The following PMS1 variants were observed in gnomAD, a reference collection of about 807,000 sequenced individuals.
The protein encoded by PMS1 is PMS1 protein homolog 1.
PMS1 carries 79 observed loss-of-function variants against 93.1 expected under a neutral mutation model. The observed-to-expected ratio is 0.85, with a 90% CI of 0.71 to 1.02. The LOEUF is 1.02. Among genes scored for constraint, PMS1 ranks in the 50% least tolerant of loss-of-function variants. PMS1 has a pLI of 0.00. For synonymous variants in PMS1, 335 were observed against 363.4 expected (o/e 0.92, Z 0.89); for missense variants, 1,064 against 1,085.3 (o/e 0.98, Z 0.28).
intron 1 of PMS1, among the ~76,000 whole-genome samples, chr2:189,788,198 T>C (rs2048535160): frequency 6.6e-6 from 1 of 152,230 alleles, no homozygotes; most frequent in Admixed American, 6.5e-5. Flanking sequence ...GTGTTTTTCT[T>C]AGATCCTTGG....
intron 2 of PMS1, among the ~76,000 whole-genome samples, chr2:189,794,349 TA>T (rs1334013557): frequency 1.3e-5 from 2 of 152,104 alleles, no homozygotes; most frequent in African/African-American, 4.8e-5. Context: ...TCCTGACCTC[TA>T]ATGATCTGCC....
Position 189,795,843 on chromosome 2 carries a change from G to T in PMS1, c.207G>T (p.Met69Ile), listed in dbSNP as rs1344960114. Residue 69 changes from methionine (M) to isoleucine (I), a missense_variant, in exon 3 of 13, where the codon ATG becomes ATT. Coordinates refer to ENST00000441310, the MANE Select transcript of PMS1 (RefSeq NM_000534.5). The stretch of plus-strand genomic sequence containing the variant: ...TCAAGGCTGTTGATGCACCTGTAAT[G>T]GCAATGAAGTACTACACCTCAAAAA... The part of the protein sequence containing the change: ...EGIKAVDAPV[M>I]AMKYYTSKIN... 6.2e-7 allele frequency: 1 copy of T among 1,612,718 alleles called. No individual in the cohort carries two copies. The highest frequency in any genetic ancestry group is 1.7e-5 in the Admixed American group (1 of 60,010).
rs5742995 is a variant in PMS1 at position 189,798,868 on chromosome 2, A to G, written c.315+2917A>G. ...TTGGCATTTCTGTATTTTCTGCAAG[A>G]TATATATGTAACCCTTCAGAGCTGA... is the stretch of plus-strand genomic sequence containing the variant. On this transcript the variant is annotated intron_variant, in intron 3 of 12. Transcript: ENST00000441310. Among the ~76,000 whole-genome samples the G allele has an allele frequency of 1.6e-3, 245 of 151,378 alleles. 5 individuals are homozygous for G. In the East Asian group the frequency reaches 0.044, roughly 27 times the overall value.
intron 4 of PMS1, among the ~76,000 whole-genome samples, chr2:189,807,648 T>C (rs2050467592): frequency 6.6e-6 from 1 of 152,236 alleles, no homozygotes; most frequent in South Asian, 2.1e-4. Context: ...AACTATGAAA[T>C]AACAATCCTT....
chr2:189,873,673 A>G lies in PMS1; in HGVS notation c.2634+17A>G. ...TATTTAGAGGTACGCATTATTTTATATATATGTTATTGTATACAGGGGTCC... is the reference window on the plus strand; with the variant it reads ...TATTTAGAGGTACGCATTATTTTATGTATATGTTATTGTATACAGGGGTCC... On this transcript the variant is annotated intron_variant, in intron 12 of 12. Transcript: ENST00000441310. 3.2e-6 allele frequency: 5 copies of G among 1,574,046 alleles called. No individual in the cohort carries two copies. Among genetic ancestry groups the G allele is most frequent in the Non-Finnish European group, 4.4e-6 (5 of 1,145,348 alleles).
chr2:189,821,856 A>T (rs998338831), intron 5 of PMS1, among the ~76,000 whole-genome samples: 1 of 152,246 alleles, frequency 6.6e-6, no homozygotes, highest in Admixed American at 6.5e-5. Context: ...TTATTACTTC[A>T]CGTGATAAAA....
chr2:189,785,053 A>G (rs1028932867), intron 1 of PMS1, among the ~76,000 whole-genome samples: 3 of 152,206 alleles, frequency 2.0e-5, no homozygotes, highest in African/African-American at 7.2e-5. Flanking sequence ...AAATGTGAAT[A>G]CCAAAAATTG....
chr2:189,858,174 AGTTT>A lies in PMS1; in HGVS notation c.1856+3054_1856+3057del, dbSNP rs372888663. ...CATTGTTTTAGTTCTTCCTTTCTGG[AGTTT>A]GTTTGTTGTTTTTTGTTTTTTTCCT... is the stretch of plus-strand genomic sequence containing the variant. On this transcript the variant is annotated intron_variant, in intron 9 of 12. Transcript: ENST00000441310. Among the ~76,000 whole-genome samples, 249 of 151,956 alleles carry A rather than the reference AGTTT, an allele frequency of 1.6e-3. 2 individuals are homozygous for A. The highest frequency in any genetic ancestry group is 5.6e-3 in the African/African-American group (233 of 41,456).
At chr2:189,864,681 AAAAAAAATATATATATATATATATAT>A (rs1559324394) in intron 10 of PMS1, among the ~76,000 whole-genome samples, 5 of 44,052 alleles carry the variant, frequency 1.1e-4, no homozygotes, top group African/African-American at 4.9e-4. Context: ...AAAAAAAAAA[AAAAAAAATATATATATATATATATAT>A]ATATATATAT....
chr2:189,863,596 T>C lies in PMS1; in HGVS notation c.1857-147T>C, dbSNP rs1465023807. On this transcript the variant is annotated intron_variant, in intron 9 of 12. Transcript: ENST00000441310. ...ATATTTTGTTCAGTGTTTGTCATAG[T>C]TATATGCAGGAGAGTTAGTCTAATA... 4 of 647,072 alleles carry C rather than the reference T, an allele frequency of 6.2e-6. No homozygotes were observed. In the African/African-American group the frequency reaches 7.3e-5, roughly 12 times the overall value. 40.1% of individuals were successfully genotyped at this position (647,072 alleles called of 1,614,324 possible).
intron 1 of PMS1, among the ~76,000 whole-genome samples, chr2:189,785,883 G>T (rs1170444925): frequency 6.6e-6 from 1 of 152,196 alleles, no homozygotes; most frequent in Admixed American, 6.5e-5. Flanking sequence ...CCAGCACTTT[G>T]GGAGGCCAAG....
intron 1 of PMS1, among the ~76,000 whole-genome samples, chr2:189,786,390 G>A (rs746026589): frequency 2.0e-5 from 3 of 152,148 alleles, no homozygotes; most frequent in African/African-American, 4.8e-5. Flanking sequence ...GAGAAAGGCC[G>A]AATGGAGGCA....
chr2:189,843,777 A>T lies in PMS1; in HGVS notation c.583-187A>T, dbSNP rs55819218. ...AGTTAAATAGATGGTACACTGCAAC[A>T]TATACAGCTTTTAAAATTCAGAACC... On this transcript the variant is annotated intron_variant, in intron 5 of 12. Coordinates refer to ENST00000441310, the MANE Select transcript of PMS1 (RefSeq NM_000534.5). Among the ~76,000 whole-genome samples, 54 of 152,380 alleles carry T rather than the reference A, an allele frequency of 3.5e-4. No individual in the cohort carries two copies. In the East Asian group the frequency reaches 0.01, roughly 29 times the overall value.
chr2:189,808,490 G>C (rs191126723), intron 4 of PMS1, among the ~76,000 whole-genome samples: 2 of 152,042 alleles, frequency 1.3e-5, no homozygotes, highest in African/African-American at 4.8e-5. Flanking sequence ...ACCACACCTG[G>C]CGAATTTTTG....
At chr2:189,852,550 A>G in intron 6 of PMS1, 105 bp from the exon 7 acceptor site, 1 of 972,772 alleles carries the variant, frequency 1.0e-6, no homozygotes, top group Middle Eastern at 2.9e-4. Context: ...AGACCTTAAG[A>G]TGAAAATCTG....
At chr2:189,849,469 T>A (rs2054515556) in intron 6 of PMS1, among the ~76,000 whole-genome samples, 1 of 152,204 alleles carries the variant, frequency 6.6e-6, no homozygotes, top group South Asian at 2.1e-4. Context: ...TTTTCTTTTT[T>A]AAGAAGCATG....
intron 11 of PMS1, among the ~76,000 whole-genome samples, chr2:189,872,769 A>C (rs2057262702): frequency 6.6e-6 from 1 of 152,014 alleles, no homozygotes; most frequent in South Asian, 2.1e-4. Context: ...AGTAGCTGGG[A>C]CTACAGGCAC....
chr2:189,844,230 A>T, intron 6 of PMS1, 150 bp downstream of exon 6: 1 of 1,282,210 alleles, frequency 7.8e-7, no homozygotes, highest in South Asian at 1.6e-5. Flanking sequence ...TACAGAGCTT[A>T]TGTTAAACCT....
intron 1 of PMS1, 79 bp from the exon 2 acceptor site, chr2:189,791,711 A>C: frequency 2.1e-6 from 2 of 951,440 alleles, no homozygotes; most frequent in Non-Finnish European, 3.4e-6. Context: ...ATCTATTTTC[A>C]TCTGTCATTA....
Sources: allele counts gnomAD v4.1 joint callset (sites outside exome capture counted in the v4.1 genomes callset), GRCh38; gene constraint gnomAD v4.1.1; transcripts MANE v1.5; gene names NCBI Gene and HGNC (gene_info 2026-07-23, HGNC 2026-07-21).